Variants in SAMD11 observed in about 807,000 individuals in gnomAD.
The protein encoded by SAMD11 is sterile alpha motif domain-containing protein 11.
Under a neutral mutation model 64.4 loss-of-function variants are expected in SAMD11, and 77 were observed. That is an observed-to-expected ratio of 1.20 (90% confidence interval 0.99 to 1.44). The LOEUF (loss-of-function observed/expected upper bound fraction) is 1.44, where lower values mean the gene tolerates loss of function less well. SAMD11 is among the 40% of genes most tolerant of loss of function. The pLI, the probability that SAMD11 is intolerant of heterozygous loss-of-function variation, is 0.00. For synonymous variants in SAMD11, 658 were observed against 421.9 expected, an observed-to-expected ratio of 1.56 and a Z score of -6.86; for missense variants, 1,402 against 943.3, an observed-to-expected ratio of 1.49 and a Z score of -6.37.
At chr1:926,477 C>G (rs984791314) in intron 2 of SAMD11, among the ~76,000 whole-genome samples, 1 of 152,298 alleles carries the variant, frequency 6.6e-6, no homozygotes, top group Middle Eastern at 3.4e-3. Context: ...TCTCTGGGTG[C>G]TGAAGGCCAG....
rs766164853 is a variant in SAMD11 at position 943,927 on chromosome 1, G to T, written c.2309G>T (p.Arg770Leu). 1.9e-6 allele frequency: 3 copies of T among 1,612,696 alleles called. No homozygotes were observed. The highest frequency in any genetic ancestry group is 2.5e-6 in the Non-Finnish European group (3 of 1,179,818). ...CTGCAGGTGGCCAGGCGCCTGGGCC[G>T]AGTTTTCTACGTGGCCAGCTTCCCC... Reference protein sequence around the residue: ...IRAQVARRLGRVFYVASFPVA... With the variant: ...IRAQVARRLGLVFYVASFPVA... The change falls in exon 14 of 14, where the codon CGA becomes CTA. Residue 770 changes from arginine (R) to leucine (L), a missense_variant. Coordinates refer to ENST00000616016, the MANE Select transcript of SAMD11 (RefSeq NM_001385641.1).
At chr1:943,217 C>G (rs764205895) in intron 11 of SAMD11, 36 bp from the exon 12 acceptor site, 5 of 1,611,266 alleles carry the variant, frequency 3.1e-6, no homozygotes, top group Non-Finnish European at 4.2e-6. Context: ...TATGGGAAAG[C>G]CAGCCAGAGC....
Position 942,128 on chromosome 1 carries a change from G to A in SAMD11, c.1359-8G>A. 5.8e-6 allele frequency: 7 copies of A among 1,200,572 alleles called. No homozygotes were observed. Among genetic ancestry groups the A allele is most frequent in the South Asian group, 1.5e-5 (1 of 65,028 alleles). 74.4% of individuals were successfully genotyped at this position (1,200,572 alleles called of 1,614,324 possible). A position where few individuals can be genotyped will look rare whatever the true frequency, so the allele number is the denominator to read the frequency against. On this transcript the variant is annotated splice_region_variant and splice_polypyrimidine_tract_variant and intron_variant, in intron 8 of 13. Transcript: ENST00000616016. The stretch of plus-strand genomic sequence containing the variant: ...GGGGGACGCCGCTCATTGCGCTGCC[G>A]TCCACAGGGAGCTGCCTCAGCCGCC...
Position 943,523 on chromosome 1 carries a change from CACCTTTTTTTTTTTTT to C in SAMD11, c.2178+147_2179-159del, listed in dbSNP as rs1411736451. 3.8e-5 allele frequency: 33 copies of C among 872,358 alleles called. 1 individual carries two copies. Among genetic ancestry groups the C allele is most frequent in the Middle Eastern group, 3.6e-4 (1 of 2,804 alleles). 54.0% of individuals were successfully genotyped at this position (872,358 alleles called of 1,614,324 possible). On this transcript the variant is annotated intron_variant, in intron 12 of 13. Coordinates refer to ENST00000616016, the MANE Select transcript of SAMD11 (RefSeq NM_001385641.1). The stretch of plus-strand genomic sequence containing the variant: ...GCAGCAGGGACTGGACTGTGCACCC[CACCTTTTTTTTTTTTT>C]TTTTTTTTTGCCAGGTGTTTTCTGC...
intron 4 of SAMD11, among the ~76,000 whole-genome samples, chr1:933,373 G>A (rs578015158): frequency 3.9e-5 from 6 of 152,304 alleles, no homozygotes; most frequent in South Asian, 2.1e-4. Context: ...GGGGAGGGCA[G>A]GTGGCACCCA....
chr1:936,692 G>A (rs1368726741), intron 5 of SAMD11, among the ~76,000 whole-genome samples: 1 of 152,104 alleles, frequency 6.6e-6, no homozygotes, highest in East Asian at 1.9e-4. Context: ...GAGGGGTGGG[G>A]GAGGCCCACC....
intron 12 of SAMD11, 69 bp downstream of exon 12, chr1:943,446 A>C (rs1165247759): frequency 1.5e-6 from 2 of 1,333,972 alleles, no homozygotes; most frequent in Admixed American, 2.3e-5. Context: ...CCTGGAAAGG[A>C]TGGTGGGGTA....
intron 5 of SAMD11, among the ~76,000 whole-genome samples, chr1:938,598 G>T (rs1641582926): frequency 6.6e-6 from 1 of 152,048 alleles, no homozygotes. Context: ...GAGGTCAGGT[G>T]TGAGGTCCTT....
At position 935,911 on chromosome 1, in the gene SAMD11, G is replaced by A; in HGVS notation, c.967+15G>A. 1 of 1,611,566 alleles carries A rather than the reference G, an allele frequency of 6.2e-7. No individual in the cohort carries two copies. Among genetic ancestry groups the A allele is most frequent in the Non-Finnish European group, 8.5e-7 (1 of 1,179,158 alleles). On this transcript the variant is annotated intron_variant, in intron 5 of 13. Coordinates refer to ENST00000616016, the MANE Select transcript of SAMD11 (RefSeq NM_001385641.1). ...GCGACCCGCCGGTGAGGAGCACAGG[G>A]GGCCTGAGGGCGGGGTCGGGGCTGT...
chr1:939,572 C>CCTGGAGGACCCG (rs1641640037), intron 7 of SAMD11, 160 bp downstream of exon 7: 2 of 1,322,396 alleles, frequency 1.5e-6, no homozygotes, highest in East Asian at 5.0e-5. Context: ...GATGCAGGTC[C>CCTGGAGGACCCG]CTCTGCCACA....
chr1:942,514 C>G, intron 10 of SAMD11, 26 bp downstream of exon 10: 1 of 1,443,128 alleles, frequency 6.9e-7, no homozygotes. Context: ...CGGGCGGGGC[C>G]GCGCGGCCCG....
chr1:926,666 G>A (rs1640905932), intron 2 of SAMD11, among the ~76,000 whole-genome samples: 1 of 152,160 alleles, frequency 6.6e-6, no homozygotes, highest in Admixed American at 6.5e-5. Flanking sequence ...CAGGAGAGAC[G>A]GGGATGCTGG....
In SAMD11 at chr1:930,322, T is replaced by G. The variant is rs1307447913; in HGVS notation, c.777T>G (p.Arg259=). ...GLKQEDGPHI[R]IMKRRVHTHW... is the part of the protein sequence containing the mutation. Reference sequence around the variant, plus strand: ...AGCAGGAGGATGGTCCGCACATCCGTATCATGAAGAGAAGGTACTTGGACC... The same window carrying G: ...AGCAGGAGGATGGTCCGCACATCCGGATCATGAAGAGAAGGTACTTGGACC... Residue 259 remains arginine, a synonymous_variant, in exon 3 of 14, where the codon CGT becomes CGG. Coordinates refer to ENST00000616016, the MANE Select transcript of SAMD11 (RefSeq NM_001385641.1). 1 of 1,604,946 alleles carries G rather than the reference T, an allele frequency of 6.2e-7. No homozygotes were observed. The highest frequency in any genetic ancestry group is 1.1e-5 in the South Asian group (1 of 89,240).
intron 4 of SAMD11, among the ~76,000 whole-genome samples, chr1:931,662 G>A (rs574439022): frequency 3.3e-5 from 5 of 152,338 alleles, no homozygotes; most frequent in South Asian, 4.1e-4. Context: ...GGGAGCCACC[G>A]AAAGTTCTTG....
chr1:930,657 C>T (rs1569871673), intron 3 of SAMD11, among the ~76,000 whole-genome samples: 1 of 152,370 alleles, frequency 6.6e-6, no homozygotes, highest in Admixed American at 6.5e-5. Flanking sequence ...CAGAGAGCAG[C>T]TCTAGCAACA....
chr1:940,903 C>T (rs964056327), intron 7 of SAMD11, among the ~76,000 whole-genome samples: 3 of 152,176 alleles, frequency 2.0e-5, no homozygotes, highest in Admixed American at 6.5e-5. Flanking sequence ...CCGGAAGCCT[C>T]CAGGCACCCG....
intron 4 of SAMD11, among the ~76,000 whole-genome samples, chr1:934,896 A>T (rs571880665): frequency 1.6e-4 from 7 of 44,556 alleles, no homozygotes; most frequent in African/African-American, 1.1e-3. Context: ...GCTGCGTTAC[A>T]GGTGGGCGGG....
chr1:937,617 C>G (rs1287076455), intron 5 of SAMD11, among the ~76,000 whole-genome samples: 2 of 150,898 alleles, frequency 1.3e-5, no homozygotes. Flanking sequence ...CCACCGAGCT[C>G]TGGCACGGGA....
At chr1:938,015 G>A (rs1406811370) in intron 5 of SAMD11, among the ~76,000 whole-genome samples, 1 of 152,212 alleles carries the variant, frequency 6.6e-6, no homozygotes, top group Non-Finnish European at 1.5e-5. Context: ...TCACAGGGGA[G>A]TGGCCCCTCA....
Sources: gnomAD v4.1 joint callset for allele counts (sites outside exome capture counted in the v4.1 genomes callset) on GRCh38, gnomAD v4.1.1 for gene constraint, MANE v1.5 for transcripts, NCBI Gene and HGNC (gene_info 2026-07-23, HGNC 2026-07-21) for gene names.